Variants in PRKAR1B observed in about 807,000 individuals in gnomAD.
The protein encoded by PRKAR1B is cAMP-dependent protein kinase type I-beta regulatory subunit.
In PRKAR1B, 22 loss-of-function variants were observed where a neutral mutation model predicts 46.5. That is an observed-to-expected ratio of 0.47 (90% CI 0.34 to 0.68). The LOEUF (loss-of-function observed/expected upper bound fraction) is 0.68, where lower values mean the gene tolerates loss of function less well. PRKAR1B is among the 30% of genes least tolerant of loss of function. The pLI is 0.01. For synonymous variants in PRKAR1B, 259 were observed against 217.7 expected (o/e 1.19, Z -1.67); for missense variants, 445 against 535.6 (o/e 0.83, Z 1.67).
At chr7:665,581 C>T (rs1310705623) in intron 4 of PRKAR1B, among the ~76,000 whole-genome samples, 1 of 152,278 alleles carries the variant, frequency 6.6e-6, no homozygotes, top group African/African-American at 2.4e-5. Flanking sequence ...TGAGATCCAG[C>T]TGGGCTTTCT....
chr7:586,577 G>T (rs1324471859), intron 7 of PRKAR1B, among the ~76,000 whole-genome samples: 2 of 152,160 alleles, frequency 1.3e-5, no homozygotes, highest in Non-Finnish European at 2.9e-5. Context: ...CCCCCAGCCC[G>T]AGGAGGGTTC....
chr7:627,408 A>G (rs1783462872), intron 4 of PRKAR1B, among the ~76,000 whole-genome samples: 1 of 152,178 alleles, frequency 6.6e-6, no homozygotes, highest in African/African-American at 2.4e-5. Flanking sequence ...TGGAACTTTT[A>G]CAACACCCAT....
chr7:628,298 G>T (rs533716559), intron 4 of PRKAR1B, among the ~76,000 whole-genome samples: 1 of 152,242 alleles, frequency 6.6e-6, no homozygotes, highest in African/African-American at 2.4e-5. Context: ...TCTCTGTGCC[G>T]AGCAAGTCAA....
intron 9 of PRKAR1B, among the ~76,000 whole-genome samples, chr7:570,856 A>C (rs1440572231): frequency 3.7e-5 from 4 of 109,142 alleles, no homozygotes; most frequent in African/African-American, 7.1e-5. Flanking sequence ...CACGGCCCCC[A>C]CCACCCTCCC....
chr7:557,718 G>A (rs748640798), intron 9 of PRKAR1B, among the ~76,000 whole-genome samples: 17 of 152,158 alleles, frequency 1.1e-4, no homozygotes, highest in Non-Finnish European at 2.2e-4. Context: ...TCAAGCTGTC[G>A]AAACCTCTGG....
At chr7:671,251 C>A (rs1478907961) in intron 4 of PRKAR1B, among the ~76,000 whole-genome samples, 4 of 152,172 alleles carry the variant, frequency 2.6e-5, no homozygotes, top group Non-Finnish European at 5.9e-5. Flanking sequence ...TTGGCCAGAG[C>A]CGGGCTTTTG....
At chr7:713,623 A>G (rs1780769732) in intron 1 of PRKAR1B, among the ~76,000 whole-genome samples, 1 of 149,856 alleles carries the variant, frequency 6.7e-6, no homozygotes. Flanking sequence ...CCTGGTCCAC[A>G]CTCACCTGTA....
At position 726,582 on chromosome 7, in the gene PRKAR1B, G is replaced by A. The variant is rs991329931; in HGVS notation, c.-23+628C>T. 3.8e-5 allele frequency: 23 copies of A among 610,612 alleles called. 1 individual carries two copies. The African/African-American group carries it at 4.6e-4, about 12-fold the overall frequency. 37.8% of individuals were successfully genotyped at this position (610,612 alleles called of 1,614,324 possible). On this transcript the variant is annotated intron_variant, in intron 1 of 10. Coordinates refer to ENST00000537384, the MANE Select transcript of PRKAR1B (RefSeq NM_001164760.2). ...GGGGGACAGCGGGCGAGCACGACAA[G>A]AGCACAGGCCCACGTGCGCACCGGC...
At chr7:584,424 C>T in intron 8 of PRKAR1B, 84 bp downstream of exon 8, 2 of 1,210,244 alleles carry the variant, frequency 1.7e-6, no homozygotes, top group South Asian at 1.2e-5. Context: ...CTGCCAGCCA[C>T]GCAGGGAATG....
At chr7:702,033 C>G (rs1266430773) in intron 2 of PRKAR1B, among the ~76,000 whole-genome samples, 1 of 152,122 alleles carries the variant, frequency 6.6e-6, no homozygotes, top group Non-Finnish European at 1.5e-5. Flanking sequence ...AAAATTATAA[C>G]ATTGTCAAGG....
chr7:715,967 G>C (rs6962497), intron 1 of PRKAR1B, among the ~76,000 whole-genome samples: 3 of 151,900 alleles, frequency 2.0e-5, no homozygotes, highest in African/African-American at 4.8e-5. Context: ...CGCCCGCCTT[G>C]GCCTCCCAAA....
In PRKAR1B at chr7:550,457, G is replaced by A. The variant is rs1784109444; in HGVS notation, c.1119C>T (p.Tyr373=). The A allele has an allele frequency of 1.9e-6, 3 of 1,595,792 alleles. No homozygotes were observed. Among genetic ancestry groups the A allele is most frequent in the Non-Finnish European group, 2.6e-6 (3 of 1,171,818 alleles). The change falls in exon 11 of 11, where the codon TAC becomes TAT. Residue 373 remains tyrosine (Y), a synonymous_variant. Coordinates refer to ENST00000537384, the MANE Select transcript of PRKAR1B (RefSeq NM_001164760.2). The part of the protein sequence containing the change: ...SEILKRNIQR[Y]NSFISLTV Reference sequence around the variant, plus strand: ...AGACGGTGAGGGAGATGAAGCTGTTGTAACGCTGAATGTTCCTCTTGAGGA... The same window carrying A: ...AGACGGTGAGGGAGATGAAGCTGTTATAACGCTGAATGTTCCTCTTGAGGA...
chr7:627,458 T>TC (rs1304983944), intron 4 of PRKAR1B, among the ~76,000 whole-genome samples: 1 of 151,880 alleles, frequency 6.6e-6, no homozygotes, highest in African/African-American at 2.4e-5. Context: ...AACTCATGAC[T>TC]CCCCCACGCC....
At chr7:650,755 G>A (rs1320605248) in intron 4 of PRKAR1B, among the ~76,000 whole-genome samples, 2 of 152,182 alleles carry the variant, frequency 1.3e-5, no homozygotes, top group Non-Finnish European at 2.9e-5. Flanking sequence ...AAGGTCACGT[G>A]GCCCACAGGC....
chr7:631,132 G>A (rs1158871401), intron 4 of PRKAR1B, among the ~76,000 whole-genome samples: 2 of 152,022 alleles, frequency 1.3e-5, no homozygotes, highest in African/African-American at 4.8e-5. Flanking sequence ...TGTATTTTTA[G>A]TAGAGACAAG....
chr7:642,880 G>A (rs943425369), intron 4 of PRKAR1B, among the ~76,000 whole-genome samples: 2 of 151,452 alleles, frequency 1.3e-5, no homozygotes, highest in South Asian at 2.1e-4. Flanking sequence ...ACCGTGGGTC[G>A]CAGTCATCTG....
intron 2 of PRKAR1B, among the ~76,000 whole-genome samples, chr7:699,348 T>A (rs1779940016): frequency 6.6e-6 from 1 of 152,158 alleles, no homozygotes. Flanking sequence ...TCGGTGTTCC[T>A]GCACTGGGAG....
chr7:557,140 G>A (rs2128422464), intron 9 of PRKAR1B, among the ~76,000 whole-genome samples: 1 of 152,322 alleles, frequency 6.6e-6, no homozygotes, highest in East Asian at 1.9e-4. Context: ...GAGTCTGGTG[G>A]CCCCGGGACT....
At chr7:662,967 A>C (rs1308053972) in intron 4 of PRKAR1B, among the ~76,000 whole-genome samples, 1 of 152,198 alleles carries the variant, frequency 6.6e-6, no homozygotes, top group Non-Finnish European at 1.5e-5. Flanking sequence ...AAACAGACTG[A>C]AACCCAGAAA....
Sources: gnomAD v4.1 joint callset for allele counts (sites outside exome capture counted in the v4.1 genomes callset) on GRCh38, gnomAD v4.1.1 for gene constraint, MANE v1.5 for transcripts, NCBI Gene and HGNC (gene_info 2026-07-23, HGNC 2026-07-21) for gene names.